CACNA1I: variants seen among roughly 807,000 people sequenced by gnomAD.
The protein encoded by CACNA1I is calcium voltage-gated channel subunit alpha1 I.
A neutral mutation model predicts 201.6 loss-of-function variants in CACNA1I; 74 were observed. That is an observed-to-expected ratio of 0.37 (90% CI 0.30 to 0.45). The LOEUF is 0.45. Among genes scored for constraint, CACNA1I ranks in the 20% least tolerant of loss-of-function variants. The pLI, the probability that CACNA1I is intolerant of heterozygous loss-of-function variation, is 1.00. For synonymous variants in CACNA1I, 1,431 were observed against 1,345.2 expected (o/e 1.06, Z -1.40); for missense variants, 2,346 against 3,138.1 (o/e 0.75, Z 6.03).
intron 4 of CACNA1I, among the ~76,000 whole-genome samples, chr22:39,621,214 C>T (rs935102297): frequency 6.6e-6 from 1 of 152,254 alleles, no homozygotes; most frequent in Non-Finnish European, 1.5e-5. Context: ...AGAGTTCTGT[C>T]TGTCCTCAGC....
rs3044380 is a variant in CACNA1I at position 39,598,941 on chromosome 22, G to GTTTTTTT, written c.348+697_348+703dup. Among the ~76,000 whole-genome samples, 130 of 68,258 alleles carry GTTTTTTT rather than the reference G, an allele frequency of 1.9e-3. 9 individuals are homozygous for GTTTTTTT. The highest frequency in any genetic ancestry group is 4.4e-3 in the African/African-American group (68 of 15,588). 44.8% of individuals were successfully genotyped at this position (68,258 alleles called of 152,430 possible). ...GGAGGCATTGCTTTCTGCCTCTTGG[G>GTTTTTTT]TTTTTTTTTTTTTTTTTTTTTTTTG... On this transcript the variant is annotated intron_variant, in intron 2 of 36. Coordinates refer to ENST00000402142, the MANE Select transcript of CACNA1I (RefSeq NM_021096.4).
intron 3 of CACNA1I, among the ~76,000 whole-genome samples, chr22:39,613,253 C>T (rs553652988): frequency 6.6e-6 from 1 of 152,222 alleles, no homozygotes; most frequent in African/African-American, 2.4e-5. Context: ...AGGGAATCCA[C>T]CTCTAAGTCA....
chr22:39,683,555 C>T (rs1018501425), intron 35 of CACNA1I, among the ~76,000 whole-genome samples: 1 of 152,208 alleles, frequency 6.6e-6, no homozygotes, highest in Admixed American at 6.5e-5. Context: ...CATTTATTTA[C>T]GTTTTCCTTA....
At chr22:39,683,177 G>A (rs552111634) in intron 35 of CACNA1I, among the ~76,000 whole-genome samples, 2 of 152,336 alleles carry the variant, frequency 1.3e-5, no homozygotes, top group African/African-American at 4.8e-5. Context: ...CTGTGGCTGG[G>A]CTCTGGGCAC....
At chr22:39,590,637 G>A (rs1403736370) in intron 1 of CACNA1I, among the ~76,000 whole-genome samples, 1 of 152,244 alleles carries the variant, frequency 6.6e-6, no homozygotes. Context: ...ATGTGTGGAT[G>A]AGAACATGGG....
At chr22:39,606,706 AT>A (rs1472607807) in intron 3 of CACNA1I, among the ~76,000 whole-genome samples, 1 of 151,984 alleles carries the variant, frequency 6.6e-6, no homozygotes, top group Non-Finnish European at 1.5e-5. Context: ...TAAGTTTTGT[AT>A]TTTTAGTAGA....
intron 3 of CACNA1I, among the ~76,000 whole-genome samples, chr22:39,611,853 T>C (rs1933395495): frequency 6.6e-6 from 1 of 152,142 alleles, no homozygotes; most frequent in Admixed American, 6.5e-5. Context: ...CCCTCAGCTT[T>C]GTGGCCAACC....
chr22:39,627,547 G>A (rs1283602261), intron 4 of CACNA1I, among the ~76,000 whole-genome samples: 1 of 152,262 alleles, frequency 6.6e-6, no homozygotes, highest in East Asian at 1.9e-4. Context: ...TGCCCAACCA[G>A]GGTCATGGTC....
rs142976808 is a variant in CACNA1I at position 39,603,638 on chromosome 22, G to A, written c.482+2985G>A. 1.2e-3 allele frequency among the ~76,000 whole-genome samples: 183 copies of A among 152,254 alleles called. 2 individuals carry two copies. In the East Asian group the frequency reaches 0.031, roughly 25 times the overall value. On this transcript the variant is annotated intron_variant, in intron 3 of 36. Coordinates refer to ENST00000402142, the MANE Select transcript of CACNA1I (RefSeq NM_021096.4). ...TTAGGCTTCTTAAAAGTCTTTTCAC[G>A]ATTCTGGAAGTAACCCTGTACCAAA...
In CACNA1I at chr22:39,661,128, C is replaced by G; in HGVS notation, c.2719C>G (p.Pro907Ala). 1.9e-6 allele frequency: 3 copies of G among 1,613,380 alleles called. No homozygotes were observed. In the South Asian group the frequency reaches 3.3e-5, roughly 18 times the overall value. ...TCCAGATCCCAAGCTCTGCCCAATC[C>G]CCATGACCCCCAATGGGCACCTGGA... ...SSGDPKLCPI[P>A]MTPNGHLDPS... The change falls in exon 16 of 37, where the codon CCC becomes GCC. Residue 907 changes from proline to alanine, a missense_variant. Physicochemically the swap from Pro to Ala is conservative, Grantham distance 27 (BLOSUM62 -1). This residue lies in a region of CACNA1I where 92 missense variants were observed against 114.5 expected (regional missense o/e 0.80). Coordinates refer to ENST00000402142, the MANE Select transcript of CACNA1I (RefSeq NM_021096.4).
At chr22:39,577,746 G>A (rs1466728353) in intron 1 of CACNA1I, among the ~76,000 whole-genome samples, 1 of 152,136 alleles carries the variant, frequency 6.6e-6, no homozygotes, top group African/African-American at 2.4e-5. Context: ...TGGAGAGGGG[G>A]CTTGGTGCAG....
intron 3 of CACNA1I, among the ~76,000 whole-genome samples, chr22:39,611,237 C>T (rs1274666519): frequency 2.6e-5 from 4 of 152,102 alleles, no homozygotes; most frequent in South Asian, 4.2e-4. Flanking sequence ...TCCTGACAAT[C>T]CCCAGAAATT....
intron 2 of CACNA1I, among the ~76,000 whole-genome samples, chr22:39,599,681 A>T (rs1227321697): frequency 6.6e-6 from 1 of 151,444 alleles, no homozygotes; most frequent in African/African-American, 2.4e-5. Context: ...AGACCTGCTG[A>T]AGCAGAATTT....
At chr22:39,631,422 AAGGCCT>A (rs1390648355) in intron 4 of CACNA1I, among the ~76,000 whole-genome samples, 1 of 152,212 alleles carries the variant, frequency 6.6e-6, no homozygotes, top group East Asian at 1.9e-4. Flanking sequence ...CTCCAGGCAG[AAGGCCT>A]GAAAAGGTGC....
chr22:39,652,532 G>A (rs1934681208), intron 10 of CACNA1I, among the ~76,000 whole-genome samples: 1 of 152,228 alleles, frequency 6.6e-6, no homozygotes, highest in Non-Finnish European at 1.5e-5. Context: ...CTCAAGGCAG[G>A]TATTATTACC....
intron 4 of CACNA1I, among the ~76,000 whole-genome samples, chr22:39,621,758 C>A (rs1299463248): frequency 6.6e-6 from 1 of 151,940 alleles, no homozygotes. Flanking sequence ...GTAGTGGGAA[C>A]CAAAGCTGTG....
chr22:39,677,209 G>A lies in CACNA1I; in HGVS notation c.4855-132G>A. The A allele has an allele frequency of 1.6e-6, 1 of 634,302 alleles. No individual in the cohort carries two copies. The highest frequency in any genetic ancestry group is 2.8e-6 in the Non-Finnish European group (1 of 354,840). 39.3% of individuals were successfully genotyped at this position (634,302 alleles called of 1,614,324 possible). A position where few individuals can be genotyped will look rare whatever the true frequency, so the allele number is the denominator to read the frequency against. ...TAGGGGTGGCAGACGTGGACACACA[G>A]CCTGGGGGAATGTTACAGCTGCTCT... On this transcript the variant is annotated intron_variant, in intron 29 of 36. Coordinates refer to ENST00000402142, the MANE Select transcript of CACNA1I (RefSeq NM_021096.4). The surrounding 1 kb of genome is among the most constrained non-coding windows in gnomAD (Gnocchi z 4.8).
intron 1 of CACNA1I, among the ~76,000 whole-genome samples, chr22:39,576,338 T>C (rs558725845): frequency 6.6e-6 from 1 of 152,376 alleles, no homozygotes; most frequent in East Asian, 1.9e-4. Context: ...GGGGCTCTCA[T>C]AGCCCCATTT....
At chr22:39,643,134 C>G (rs996202349) in intron 7 of CACNA1I, among the ~76,000 whole-genome samples, 15 of 152,212 alleles carry the variant, frequency 9.9e-5, no homozygotes, top group African/African-American at 3.6e-4. Context: ...TGGGCACTTA[C>G]TTCCCCACCG....
Sources: allele counts gnomAD v4.1 joint callset (sites outside exome capture counted in the v4.1 genomes callset), GRCh38; gene constraint gnomAD v4.1.1; regional missense constraint gnomAD v4.1.1; non-coding constraint Gnocchi (gnomAD v3.1); transcripts MANE v1.5; gene names NCBI Gene and HGNC (gene_info 2026-07-23, HGNC 2026-07-21).